Variants in SLC35F4 observed in about 807,000 individuals in gnomAD.
The protein encoded by SLC35F4 is chromosome 14 open reading frame 36.
Under a neutral mutation model 44.2 loss-of-function variants are expected in SLC35F4, and 24 were observed. The observed-to-expected ratio is 0.54, with a 90% CI of 0.39 to 0.76. The LOEUF (loss-of-function observed/expected upper bound fraction) is 0.76. SLC35F4 is among the 30% of genes least tolerant of loss of function. The probability of loss-of-function intolerance (pLI) is 0.00; values close to 1 mark genes in which losing one functional copy is unlikely to be tolerated. For synonymous variants in SLC35F4, 238 were observed against 223.6 expected (o/e 1.06, Z -0.57); for missense variants, 562 against 586.1 (o/e 0.96, Z 0.42).
intron 1 of SLC35F4, among the ~76,000 whole-genome samples, chr14:57,600,402 A>G (rs1473655678): frequency 1.3e-5 from 2 of 152,178 alleles, no homozygotes; most frequent in Admixed American, 6.5e-5. Flanking sequence ...TAAAATATCA[A>G]TAACTAGGGG....
chr14:57,888,391 G>A (rs544094371), intron 1 of SLC35F4, among the ~76,000 whole-genome samples: 2 of 152,326 alleles, frequency 1.3e-5, no homozygotes, highest in South Asian at 4.1e-4. Flanking sequence ...TATCGTAGTA[G>A]AAGATGCAGA....
intron 1 of SLC35F4, among the ~76,000 whole-genome samples, chr14:57,909,184 G>T (rs1442623880): frequency 6.6e-6 from 1 of 152,162 alleles, no homozygotes; most frequent in South Asian, 2.1e-4. Flanking sequence ...GAGAATTCCT[G>T]CACACCATCT....
chr14:57,670,199 C>A (rs191662001), intron 1 of SLC35F4, among the ~76,000 whole-genome samples: 1 of 151,886 alleles, frequency 6.6e-6, no homozygotes, highest in Non-Finnish European at 1.5e-5. Flanking sequence ...TTTTTTATTG[C>A]GTCTATTTGA....
At chr14:57,924,121 T>C (rs1889498049) in intron 1 of SLC35F4, among the ~76,000 whole-genome samples, 1 of 152,236 alleles carries the variant, frequency 6.6e-6, no homozygotes, top group African/African-American at 2.4e-5. Context: ...GCCATGATTG[T>C]GAGGCCTCAC....
chr14:57,906,365 C>T (rs1291696152), intron 1 of SLC35F4, among the ~76,000 whole-genome samples: 2 of 152,202 alleles, frequency 1.3e-5, no homozygotes, highest in Non-Finnish European at 2.9e-5. Flanking sequence ...AATAGCATAG[C>T]TTTCACATCT....
At chr14:57,982,189 A>G (rs976157490), upstream of SLC35F4, 1 of 152,170 alleles carries the variant, frequency 6.6e-6, no homozygotes, top group Non-Finnish European at 1.5e-5. Flanking sequence ...TTTTTTAGCT[A>G]TGAGTGGAGG....
chr14:57,622,640 A>C (rs1040451898), intron 1 of SLC35F4, among the ~76,000 whole-genome samples: 1 of 151,938 alleles, frequency 6.6e-6, no homozygotes, highest in African/African-American at 2.4e-5. Flanking sequence ...GGACACAGGA[A>C]GGGGAACATC....
At chr14:57,953,102 T>C (rs1166528415) in intron 1 of SLC35F4, among the ~76,000 whole-genome samples, 2 of 152,150 alleles carry the variant, frequency 1.3e-5, no homozygotes, top group African/African-American at 2.4e-5. Context: ...TGCAGAAACC[T>C]TACGAACCAG....
chr14:57,694,366 C>T (rs546370135), intron 1 of SLC35F4, among the ~76,000 whole-genome samples: 1 of 152,096 alleles, frequency 6.6e-6, no homozygotes, highest in Non-Finnish European at 1.5e-5. Flanking sequence ...GTTGTACATC[C>T]TTTACATAAA....
intron 1 of SLC35F4, among the ~76,000 whole-genome samples, chr14:57,845,371 G>A (rs1008759397): frequency 6.6e-6 from 1 of 152,190 alleles, no homozygotes; most frequent in Non-Finnish European, 1.5e-5. Flanking sequence ...CAGAGTGGCT[G>A]TGAGTTATAA....
At chr14:57,747,250 C>A (rs2076779627) in intron 1 of SLC35F4, among the ~76,000 whole-genome samples, 1 of 152,146 alleles carries the variant, frequency 6.6e-6, no homozygotes, top group Admixed American at 6.6e-5. Context: ...AGGGCACGTG[C>A]TTACTGCACT....
intron 1 of SLC35F4, among the ~76,000 whole-genome samples, chr14:57,615,706 T>C (rs996390060): frequency 6.6e-6 from 1 of 152,212 alleles, no homozygotes; most frequent in African/African-American, 2.4e-5. Flanking sequence ...GGTTATGTGA[T>C]AAATTAAACT....
At chr14:57,861,195 T>C (rs1275176709) in intron 1 of SLC35F4, among the ~76,000 whole-genome samples, 1 of 152,102 alleles carries the variant, frequency 6.6e-6, no homozygotes, top group African/African-American at 2.4e-5. Context: ...TCCTCCACCA[T>C]CCTCACTCTC....
rs201136567 is a variant in SLC35F4 at position 57,924,781 on chromosome 14, TTTC to T, written n.282+57129_282+57131del. Among the ~76,000 whole-genome samples, 979 of 152,122 alleles carry T rather than the reference TTTC, an allele frequency of 6.4e-3. 10 individuals carry two copies. Among genetic ancestry groups the T allele is most frequent in the African/African-American group, 0.023 (940 of 41,484 alleles). Reference sequence around the variant, plus strand: ...CTTTCTTTCTTCCTTCCTTCCTTTCTTTCTTTTTTTTCTCTTTCTTCCTTTTCT... The same window carrying T: ...CTTTCTTTCTTCCTTCCTTCCTTTCTTTTTTTTTCTCTTTCTTCCTTTTCT... On this transcript the variant is annotated intron_variant and non_coding_transcript_variant, in intron 1 of 1. Transcript: ENST00000556568.
chr14:57,956,027 C>G (rs1422020578), intron 1 of SLC35F4, among the ~76,000 whole-genome samples: 2 of 152,118 alleles, frequency 1.3e-5, no homozygotes, highest in African/African-American at 4.8e-5. Flanking sequence ...ATCACACTAC[C>G]TGACTTCAAA....
chr14:57,677,375 C>T (rs758601363), intron 1 of SLC35F4, among the ~76,000 whole-genome samples: 1 of 151,092 alleles, frequency 6.6e-6, no homozygotes, highest in Non-Finnish European at 1.5e-5. Flanking sequence ...ATCCATGTAA[C>T]CAAAAACCTT....
intron 1 of SLC35F4, among the ~76,000 whole-genome samples, chr14:57,716,523 T>C (rs1471536796): frequency 1.3e-5 from 2 of 152,304 alleles, no homozygotes; most frequent in African/African-American, 2.4e-5. Context: ...ATTTTTCTGG[T>C]CTAAACTGTT....
chr14:57,630,093 T>C, intron 1 of SLC35F4: 1 of 544,688 alleles, frequency 1.8e-6, no homozygotes, highest in Non-Finnish European at 3.7e-6. Context: ...TTTGTGATGC[T>C]GAAGATGCTT....
At chr14:57,838,362 G>A (rs1885152733) in intron 1 of SLC35F4, among the ~76,000 whole-genome samples, 2 of 152,176 alleles carry the variant, frequency 1.3e-5, no homozygotes, top group African/African-American at 4.8e-5. Flanking sequence ...AACATTCTAT[G>A]TGCTCAAACT....
Sources: gnomAD v4.1 joint callset for allele counts (sites outside exome capture counted in the v4.1 genomes callset) on GRCh38, gnomAD v4.1.1 for gene constraint, MANE v1.5 for transcripts, NCBI Gene and HGNC (gene_info 2026-07-23, HGNC 2026-07-21) for gene names.